The following ARVCF variants were observed in gnomAD, a reference collection of about 807,000 sequenced individuals.
The protein encoded by ARVCF is ARVCF delta catenin family member, also known as splicing regulator ARVCF.
Under a neutral mutation model 90.9 loss-of-function variants are expected in ARVCF, and 66 were observed. That is an observed-to-expected ratio of 0.73 (90% CI 0.60 to 0.89). ARVCF has a LOEUF of 0.89. Among genes scored for constraint, ARVCF ranks in the 40% least tolerant of loss-of-function variants. The pLI, the probability that ARVCF is intolerant of heterozygous loss-of-function variation, is 0.00. For missense variants in ARVCF, 1,469 were observed against 1,382.3 expected, an observed-to-expected ratio of 1.06 and a Z score of -1.00; for synonymous variants, 653 against 603.4, an observed-to-expected ratio of 1.08 and a Z score of -1.21.
At chr22:19,973,814 T>C (rs774555855) in intron 12 of ARVCF, 21 bp from the exon 13 acceptor site, 10 of 1,593,792 alleles carry the variant, frequency 6.3e-6, no homozygotes, top group South Asian at 4.4e-5. Context: ...GGGGAGAGGG[T>C]TGCTCAGACA....
At chr22:19,977,149 A>C (rs1943201852) in intron 9 of ARVCF, among the ~76,000 whole-genome samples, 1 of 152,158 alleles carries the variant, frequency 6.6e-6, no homozygotes, top group Non-Finnish European at 1.5e-5. Flanking sequence ...CCGGAGTAGA[A>C]AGACTGGGTC....
rs757829579 is a variant in ARVCF, at chr22:19,973,800, A to C, written c.2089-7T>G. ...CGCGGATGTACGTGGCCCACTGCGG[A>C]GGCGGGGAGAGGGTTGCTCAGACAT... On this transcript the variant is annotated splice_region_variant and splice_polypyrimidine_tract_variant and intron_variant, in intron 12 of 19. Coordinates refer to ENST00000263207, the MANE Select transcript of ARVCF (RefSeq NM_001670.3). The C allele has an allele frequency of 6.2e-6, 10 of 1,600,138 alleles. No homozygotes were observed. The highest frequency in any genetic ancestry group is 5.3e-5 in the African/African-American group (4 of 74,854).
At chr22:20,000,945 G>C (rs1944422128) in intron 2 of ARVCF, among the ~76,000 whole-genome samples, 2 of 152,128 alleles carry the variant, frequency 1.3e-5, no homozygotes, top group Non-Finnish European at 2.9e-5. Context: ...TTTGGTGGCA[G>C]AGCGTGAATG....
intron 9 of ARVCF, among the ~76,000 whole-genome samples, chr22:19,976,979 C>A (rs1943192712): frequency 6.6e-6 from 1 of 152,174 alleles, no homozygotes; most frequent in Admixed American, 6.5e-5. Context: ...GTCCTGGGAA[C>A]CTACACCCTG....
In ARVCF at chr22:19,994,159, T is replaced by C. The variant is rs570539361; in HGVS notation, c.-18-3347A>G. The stretch of plus-strand genomic sequence containing the variant: ...GGGTGGCTGGGGCAGTGGTGGAGGA[T>C]GGACAGAGGGACGGACAGATTGATG... On this transcript the variant is annotated intron_variant, in intron 2 of 19. Transcript: ENST00000263207. Among the ~76,000 whole-genome samples, 881 of 151,058 alleles carry C rather than the reference T, an allele frequency of 5.8e-3. 10 individuals are homozygous for C. The highest frequency in any genetic ancestry group is 0.02 in the African/African-American group (811 of 41,074).
chr22:19,972,536 C>A (rs1258065012), intron 16 of ARVCF, 125 bp from the exon 17 acceptor site: 3 of 1,301,732 alleles, frequency 2.3e-6, no homozygotes, highest in African/African-American at 2.9e-5. Context: ...CCAACCTCTG[C>A]CAGCTGGCAG....
intron 3 of ARVCF, among the ~76,000 whole-genome samples, chr22:19,985,330 T>C (rs563903467): frequency 1.2e-4 from 19 of 152,330 alleles, no homozygotes; most frequent in African/African-American, 4.6e-4. Context: ...CCCCCAGGAC[T>C]GGCCCAGAAA....
At chr22:19,989,791 C>G (rs901280486) in intron 3 of ARVCF, among the ~76,000 whole-genome samples, 1 of 152,024 alleles carries the variant, frequency 6.6e-6, no homozygotes, top group Non-Finnish European at 1.5e-5. Flanking sequence ...AGGAGGCAAC[C>G]CCCCCAGCCT....
downstream of ARVCF, chr22:19,967,596 T>C (rs1451120408): frequency 2.8e-6 from 1 of 363,160 alleles, no homozygotes; most frequent in African/African-American, 2.1e-5. Context: ...GCAAGCCCTG[T>C]GGGACTCTCC....
chr22:19,978,808 T>G (rs1439890376), intron 7 of ARVCF, 89 bp downstream of exon 7: 1 of 1,470,012 alleles, frequency 6.8e-7, no homozygotes, highest in African/African-American at 1.4e-5. Context: ...CTGGCGCTCC[T>G]AAGCTCGCCG....
intron 1 of ARVCF, among the ~76,000 whole-genome samples, chr22:20,012,437 C>T (rs956671561): frequency 2.0e-5 from 3 of 152,240 alleles, no homozygotes; most frequent in Non-Finnish European, 4.4e-5. Flanking sequence ...GGACGACAGA[C>T]AGGACAGTGA....
chr22:20,011,922 C>T (rs780843905), intron 1 of ARVCF, among the ~76,000 whole-genome samples: 2 of 152,060 alleles, frequency 1.3e-5, no homozygotes, highest in Non-Finnish European at 2.9e-5. Flanking sequence ...GCCACAGAAC[C>T]GAGACACACT....
intron 2 of ARVCF, among the ~76,000 whole-genome samples, chr22:19,999,200 G>A (rs1245745816): frequency 6.6e-6 from 1 of 152,194 alleles, no homozygotes; most frequent in African/African-American, 2.4e-5. Flanking sequence ...ACTGACTGCT[G>A]CTGACCAGGC....
At position 19,970,395 on chromosome 22, in the gene ARVCF, G is replaced by A; in HGVS notation, c.*361C>T. On this transcript the variant is annotated 3_prime_UTR_variant, in exon 20 of 20. Transcript: ENST00000263207. ...CTGGCCCGCACCACTGGGGCACTGT[G>A]TTCCCAGGGGCACCCTCCTATCCCA... The A allele has an allele frequency of 9.5e-7, 1 of 1,053,090 alleles. No individual in the cohort carries two copies. Among genetic ancestry groups the A allele is most frequent in the Non-Finnish European group, 1.2e-6 (1 of 867,312 alleles). The allele number at this position is 1,053,090 out of a possible 1,614,324, so 65.2% of individuals were successfully genotyped here.
intron 16 of ARVCF, 59 bp from the exon 17 acceptor site, chr22:19,972,470 G>C: frequency 6.2e-7 from 1 of 1,604,854 alleles, no homozygotes; most frequent in Non-Finnish European, 8.5e-7. Flanking sequence ...TCGGGGCAGA[G>C]AAGCCCACAC....
chr22:19,980,367 T>C (rs1943427020), intron 5 of ARVCF, 125 bp from the exon 6 acceptor site: 1 of 1,348,622 alleles, frequency 7.4e-7, no homozygotes, highest in Middle Eastern at 2.7e-4. Context: ...AGAGCACCTG[T>C]ATCTTGGCCC....
At chr22:20,014,058 T>A (rs1020328322) in intron 1 of ARVCF, among the ~76,000 whole-genome samples, 11 of 149,452 alleles carry the variant, frequency 7.4e-5, no homozygotes, top group Non-Finnish European at 1.6e-4. Context: ...GTATTTTTAG[T>A]AGAAACAGGG....
chr22:19,968,657 C>T (rs372535915), downstream of ARVCF: 14 of 1,613,950 alleles, frequency 8.7e-6, no homozygotes, highest in Admixed American at 1.7e-5. Flanking sequence ...CACTACCAAT[C>T]GTTCCTGGAA....
chr22:19,993,758 T>C (rs538905526), intron 2 of ARVCF, among the ~76,000 whole-genome samples: 2 of 152,330 alleles, frequency 1.3e-5, no homozygotes, highest in African/African-American at 2.4e-5. Flanking sequence ...TTCAGGACCA[T>C]GTGGACAACA....
Sources: allele counts gnomAD v4.1 joint callset (sites outside exome capture counted in the v4.1 genomes callset), GRCh38; gene constraint gnomAD v4.1.1; transcripts MANE v1.5; gene names NCBI Gene and HGNC (gene_info 2026-07-23, HGNC 2026-07-21).